Variants in PID1 observed in about 807,000 individuals in gnomAD.
PID1 encodes the protein phosphotyrosine interaction domain containing 1, also known as PTB-containing, cubilin and LRP1-interacting protein.
In PID1, 10 loss-of-function variants were observed where a neutral mutation model predicts 19.1. The ratio of observed to expected loss-of-function variants is 0.52; its 90% confidence interval spans 0.32 to 0.89. PID1 has a LOEUF of 0.89. Ranked by LOEUF, PID1 falls within the 40% of genes least tolerant of loss-of-function variation. The probability of loss-of-function intolerance (pLI) is 0.03; values close to 1 mark genes in which losing one functional copy is unlikely to be tolerated. For missense variants in PID1, 248 were observed against 285.3 expected (o/e 0.87, Z 0.94); for synonymous variants, 130 against 116.0 (o/e 1.12, Z -0.78).
chr2:229,223,466 A>C (rs1692014698), intron 1 of PID1, among the ~76,000 whole-genome samples: 1 of 152,222 alleles, frequency 6.6e-6, no homozygotes, highest in Non-Finnish European at 1.5e-5. Context: ...TTCAATGCAA[A>C]TATTTTCCCG....
chr2:229,140,235 G>A (rs7604172), intron 2 of PID1, among the ~76,000 whole-genome samples: 3,848 of 152,066 alleles, frequency 0.025, 181 homozygotes, highest in African/African-American at 0.089. Flanking sequence ...TACATAGGCC[G>A]ACACTGGAAT....
rs556738874 is a variant in PID1, at chr2:229,253,120, G to A, written c.30+17894C>T. Among the ~76,000 whole-genome samples the A allele has an allele frequency of 2.6e-5, 4 of 152,284 alleles. No individual in the cohort carries two copies. In the South Asian group the frequency reaches 8.3e-4, roughly 32 times the overall value. On this transcript the variant is annotated intron_variant, in intron 1 of 2. Coordinates refer to ENST00000392055, the MANE Select transcript of PID1 (RefSeq NM_001100818.2). The stretch of plus-strand genomic sequence containing the variant: ...CATTGTCCTAGAGTGAACTTACAGA[G>A]CCATTCACATTTTTAACCAACAACT...
intron 2 of PID1, among the ~76,000 whole-genome samples, chr2:229,089,581 C>T (rs559349234): frequency 3.9e-5 from 6 of 152,244 alleles, no homozygotes; most frequent in African/African-American, 1.2e-4. Flanking sequence ...TCTTTCCTCG[C>T]AGATTTCATT....
intron 1 of PID1, among the ~76,000 whole-genome samples, chr2:229,258,218 C>A (rs1222811695): frequency 6.6e-6 from 1 of 152,140 alleles, no homozygotes; most frequent in Non-Finnish European, 1.5e-5. Context: ...GAAACAGGGC[C>A]ATCCAGAATG....
chr2:229,092,537 A>T (rs1235131995), intron 2 of PID1, among the ~76,000 whole-genome samples: 2 of 152,208 alleles, frequency 1.3e-5, no homozygotes, highest in African/African-American at 4.8e-5. Context: ...GCTGAAAGGC[A>T]GTATGTCCAG....
intron 2 of PID1, among the ~76,000 whole-genome samples, chr2:229,144,032 AAGGGATCATAGAAGTCAATG>A (rs1397225230): frequency 6.6e-6 from 1 of 152,182 alleles, no homozygotes; most frequent in African/African-American, 2.4e-5. Flanking sequence ...GAAATGTAAC[AAGGGATCATAGAAGTCAATG>A]GTTAGTGCCT....
chr2:229,083,924 T>A (rs1694714967), intron 2 of PID1, among the ~76,000 whole-genome samples: 1 of 152,200 alleles, frequency 6.6e-6, no homozygotes, highest in Non-Finnish European at 1.5e-5. Flanking sequence ...GCTAAGGAGT[T>A]CAATGGCTCC....
intron 2 of PID1, among the ~76,000 whole-genome samples, chr2:229,078,409 C>A (rs1574610983): frequency 6.6e-6 from 1 of 152,108 alleles, no homozygotes; most frequent in Non-Finnish European, 1.5e-5. Flanking sequence ...ACCTGATTGC[C>A]CTGGTCAGAA....
intron 1 of PID1, among the ~76,000 whole-genome samples, chr2:229,190,177 T>C (rs1691226279): frequency 1.3e-5 from 2 of 152,264 alleles, no homozygotes; most frequent in Non-Finnish European, 2.9e-5. Context: ...ACGGCATAAA[T>C]ATTCCCTTTT....
Position 229,215,558 on chromosome 2 carries a change from A to C in PID1, c.30+55456T>G, listed in dbSNP as rs117691975. Among the ~76,000 whole-genome samples the C allele has an allele frequency of 3.0e-4, 46 of 152,346 alleles. No homozygotes were observed. The East Asian group carries it at 8.3e-3, about 27-fold the overall frequency. ...AATTCCCCTTGACCATAAGCAGAGCAGTGACCAAGCAGGTGCACCTGGGCG... is the reference window on the plus strand; with the variant it reads ...AATTCCCCTTGACCATAAGCAGAGCCGTGACCAAGCAGGTGCACCTGGGCG... On this transcript the variant is annotated intron_variant, in intron 1 of 2. Coordinates refer to ENST00000392055, the MANE Select transcript of PID1 (RefSeq NM_001100818.2).
intron 1 of PID1, among the ~76,000 whole-genome samples, chr2:229,251,026 C>T (rs913592731): frequency 1.3e-5 from 2 of 152,154 alleles, no homozygotes; most frequent in African/African-American, 4.8e-5. Context: ...ATCCAAATCA[C>T]AGTCAGTGCA....
chr2:229,263,801 G>A (rs1384030223), intron 1 of PID1, among the ~76,000 whole-genome samples: 2 of 152,200 alleles, frequency 1.3e-5, no homozygotes, highest in Non-Finnish European at 2.9e-5. Context: ...GTGCTTAGGA[G>A]TGCAGACCCT....
chr2:229,111,386 A>G (rs1172487243), intron 2 of PID1, among the ~76,000 whole-genome samples: 1 of 152,212 alleles, frequency 6.6e-6, no homozygotes, highest in African/African-American at 2.4e-5. Context: ...TCTACATTAT[A>G]ACTATTACAT....
chr2:229,225,491 C>T (rs951837439), intron 1 of PID1, among the ~76,000 whole-genome samples: 4 of 152,096 alleles, frequency 2.6e-5, no homozygotes. Flanking sequence ...TTCTCCCACC[C>T]CTACTCCAGG....
At chr2:229,051,927 T>A (rs994542530) in intron 2 of PID1, among the ~76,000 whole-genome samples, 2 of 152,094 alleles carry the variant, frequency 1.3e-5, no homozygotes, top group African/African-American at 4.8e-5. Flanking sequence ...AGACTAAATA[T>A]CTCCCTTTAG....
rs986711968 is a variant in PID1, at chr2:229,101,782, G to A, written c.177+54036C>T. On this transcript the variant is annotated intron_variant, in intron 2 of 2. Transcript: ENST00000392055. Reference sequence around the variant, plus strand: ...ATTGCCTTCCCTTAGTCTCAAACTCGGGCATTTGCAGAGCCTATGGTGGGC... The same window carrying A: ...ATTGCCTTCCCTTAGTCTCAAACTCAGGCATTTGCAGAGCCTATGGTGGGC... 3.9e-5 allele frequency among the ~76,000 whole-genome samples: 6 copies of A among 152,088 alleles called. No individual in the cohort carries two copies. In the East Asian group the frequency reaches 9.7e-4, roughly 24 times the overall value.
intron 2 of PID1, among the ~76,000 whole-genome samples, chr2:229,066,753 C>A (rs1164345647): frequency 1.3e-5 from 2 of 151,734 alleles, no homozygotes; most frequent in Non-Finnish European, 2.9e-5. Context: ...AAGCTATAAT[C>A]CCCCTCCATT....
chr2:229,041,446 T>C (rs539599437), intron 2 of PID1, among the ~76,000 whole-genome samples: 1 of 152,206 alleles, frequency 6.6e-6, no homozygotes, highest in East Asian at 1.9e-4. Context: ...GAATAAATTG[T>C]AGGAAGAAAA....
At chr2:229,258,309 G>A (rs1010786285) in intron 1 of PID1, among the ~76,000 whole-genome samples, 5 of 152,212 alleles carry the variant, frequency 3.3e-5, no homozygotes, top group Non-Finnish European at 7.3e-5. Context: ...GTTTGACTAA[G>A]ATCCCTAGGC....
Sources: allele counts gnomAD v4.1 joint callset (sites outside exome capture counted in the v4.1 genomes callset), GRCh38; gene constraint gnomAD v4.1.1; transcripts MANE v1.5; gene names NCBI Gene and HGNC (gene_info 2026-07-23, HGNC 2026-07-21).